Variants in MAP3K2 observed in about 807,000 individuals in gnomAD.
MAP3K2 encodes the protein MAP/ERK kinase kinase 2.
A neutral mutation model predicts 80.3 loss-of-function variants in MAP3K2; 24 were observed. The observed-to-expected ratio is 0.30, with a 90% CI of 0.22 to 0.42. The LOEUF (loss-of-function observed/expected upper bound fraction) is 0.42. Ranked by LOEUF, MAP3K2 falls within the 10% of genes least tolerant of loss-of-function variation. The probability of loss-of-function intolerance (pLI) is 1.00; values close to 1 mark genes in which losing one functional copy is unlikely to be tolerated. For synonymous variants in MAP3K2, 244 were observed against 253.7 expected, an observed-to-expected ratio of 0.96 and a Z score of 0.36; for missense variants, 608 against 750.1, an observed-to-expected ratio of 0.81 and a Z score of 2.21.
intron 1 of MAP3K2, among the ~76,000 whole-genome samples, chr2:127,346,296 T>C (rs1686593596): frequency 6.6e-6 from 1 of 150,568 alleles, no homozygotes; most frequent in Non-Finnish European, 1.5e-5. Flanking sequence ...AATTAAGAAT[T>C]TGAACAGACC....
At position 127,367,568 on chromosome 2, in the gene MAP3K2, A is replaced by AT. The variant is rs777862921; in HGVS notation, c.-66+19883dup. 1.6e-4 allele frequency among the ~76,000 whole-genome samples: 25 copies of AT among 152,036 alleles called. No homozygotes were observed. In the Middle Eastern group the frequency reaches 0.017, roughly 103 times the overall value. ...AGCACTTTGGGAGGCTGAGGCAGGC[A>AT]TATTACCTGAGGTCAGGAGTTTGAG... is the stretch of plus-strand genomic sequence containing the variant. On this transcript the variant is annotated intron_variant, in intron 1 of 16. Transcript: ENST00000682094.
chr2:127,353,223 T>C (rs1686729165), intron 1 of MAP3K2, among the ~76,000 whole-genome samples: 1 of 149,662 alleles, frequency 6.7e-6, no homozygotes, highest in African/African-American at 2.5e-5. Flanking sequence ...GGAGCGTCTC[T>C]GTCCTGCCGC....
intron 1 of MAP3K2, among the ~76,000 whole-genome samples, chr2:127,371,844 G>A (rs995323752): frequency 2.6e-5 from 4 of 152,280 alleles, no homozygotes; most frequent in African/African-American, 9.6e-5. Context: ...GGGAAACATT[G>A]GGCAAATCAA....
Position 127,317,660 on chromosome 2 carries a change from G to GT in MAP3K2, c.1294dup (p.Thr432AsnfsTer15), listed in dbSNP as rs1214659211. 1 of 1,583,380 alleles carries GT rather than the reference G, an allele frequency of 6.3e-7. No individual in the cohort carries two copies. The highest frequency in any genetic ancestry group is 1.2e-5 in the South Asian group (1 of 86,836). ...CATATATTCCATAAATATGGAAAGT[G>GT]TTTTTTCCTGGGGATCCCTCAAACA... On this transcript the variant is annotated frameshift_variant, in exon 14 of 17. Coordinates refer to ENST00000682094, the MANE Select transcript of MAP3K2 (RefSeq NM_001371910.2). LOFTEE classifies it high-confidence loss of function.
At chr2:127,365,901 GCT>G (rs1372044323) in intron 1 of MAP3K2, among the ~76,000 whole-genome samples, 1 of 152,090 alleles carries the variant, frequency 6.6e-6, no homozygotes, top group Non-Finnish European at 1.5e-5. Context: ...TATCATAGTA[GCT>G]CTGTTTTCTT....
chr2:127,314,683 C>A, intron 15 of MAP3K2, 71 bp downstream of exon 15: 1 of 1,206,600 alleles, frequency 8.3e-7, no homozygotes, highest in Non-Finnish European at 1.2e-6. Flanking sequence ...AAATGTCTTA[C>A]CCACATCACT....
chr2:127,331,764 C>G (rs147597192), intron 5 of MAP3K2, among the ~76,000 whole-genome samples: 1 of 152,148 alleles, frequency 6.6e-6, no homozygotes, highest in Non-Finnish European at 1.5e-5. Flanking sequence ...CACCACCACG[C>G]GTGGCTAATT....
intron 1 of MAP3K2, among the ~76,000 whole-genome samples, chr2:127,355,848 TTCA>T (rs1686788066): frequency 6.6e-6 from 1 of 152,152 alleles, no homozygotes; most frequent in Admixed American, 6.5e-5. Context: ...TCCCAAACCC[TTCA>T]TCGACTGAGT....
At position 127,304,777 on chromosome 2, in the gene MAP3K2, T is replaced by A. The variant is rs1015363568; in HGVS notation, c.*2802A>T. 6.6e-6 allele frequency: 1 copy of A among 152,556 alleles called. No individual in the cohort carries two copies. The highest frequency in any genetic ancestry group is 2.4e-5 in the African/African-American group (1 of 41,444). The allele number at this position is 152,556 out of a possible 1,614,324, so 9.5% of individuals were successfully genotyped here. On this transcript the variant is annotated 3_prime_UTR_variant, in exon 17 of 17. Transcript: ENST00000682094. Reference sequence around the variant, plus strand: ...ATTTCTTTTTTAAATTTACTTTTGGTCTTCCATACCCTCCACCCCCACACC... The same window carrying A: ...ATTTCTTTTTTAAATTTACTTTTGGACTTCCATACCCTCCACCCCCACACC...
chr2:127,368,405 G>A lies in MAP3K2; in HGVS notation c.-66+19047C>T, dbSNP rs181839645. ...TGGGAGGCTGAGGCGGGCAGATCAC[G>A]AGGTCTGGAGTTCGAAACCATCCTG... is the stretch of plus-strand genomic sequence containing the variant. On this transcript the variant is annotated intron_variant, in intron 1 of 16. Transcript: ENST00000682094. 3.9e-5 allele frequency among the ~76,000 whole-genome samples: 6 copies of A among 152,158 alleles called. No individual in the cohort carries two copies. In the East Asian group the frequency reaches 5.8e-4, roughly 15 times the overall value.
intron 2 of MAP3K2, 64 bp downstream of exon 2, chr2:127,343,062 A>G (rs1686529259): frequency 7.5e-7 from 1 of 1,326,198 alleles, no homozygotes; most frequent in South Asian, 1.3e-5. Flanking sequence ...ATAATAGAGA[A>G]AGTTTTTTCA....
Position 127,387,725 on chromosome 2 carries a change from C to A in MAP3K2, c.-339G>T. The A allele has an allele frequency of 1.0e-6, 1 of 985,160 alleles. No homozygotes were observed. The highest frequency in any genetic ancestry group is 1.2e-6 in the Non-Finnish European group (1 of 829,820). 61.0% of individuals were successfully genotyped at this position (985,160 alleles called of 1,614,324 possible). A position where few individuals can be genotyped will look rare whatever the true frequency, so the allele number is the denominator to read the frequency against. On this transcript the variant is annotated 5_prime_UTR_variant, in exon 1 of 17. Transcript: ENST00000682094. ...TCCTGGCGCTCCTCGGCACTTCTAGCCGCTGCAACCCCGAGGCCCGCGGGA... is the reference window on the plus strand; with the variant it reads ...TCCTGGCGCTCCTCGGCACTTCTAGACGCTGCAACCCCGAGGCCCGCGGGA...
intron 15 of MAP3K2, among the ~76,000 whole-genome samples, chr2:127,313,959 C>T (rs1057084998): frequency 6.6e-6 from 1 of 152,174 alleles, no homozygotes. Context: ...CATGCACCAT[C>T]ATGCTGCTAT....
intron 1 of MAP3K2, among the ~76,000 whole-genome samples, chr2:127,371,105 C>G (rs1687056213): frequency 6.6e-6 from 1 of 152,212 alleles, no homozygotes; most frequent in Non-Finnish European, 1.5e-5. Context: ...GAAAACAGAG[C>G]CGCTAGCCCA....
intron 1 of MAP3K2, among the ~76,000 whole-genome samples, chr2:127,351,570 C>CA (rs557243958): frequency 5.9e-5 from 9 of 152,062 alleles, no homozygotes; most frequent in Non-Finnish European, 8.8e-5. Context: ...CCTTATATTC[C>CA]AATCCATTAG....
At position 127,318,233 on chromosome 2, in the gene MAP3K2, T is replaced by A. The variant is rs1685946387; in HGVS notation, c.1130A>T (p.Asp377Val). 1 of 1,612,522 alleles carries A rather than the reference T, an allele frequency of 6.2e-7. No homozygotes were observed. Among genetic ancestry groups the A allele is most frequent in the Admixed American group, 1.7e-5 (1 of 59,712 alleles). The change falls in exon 13 of 17, where the codon GAT becomes GTT. Residue 377 changes from aspartate to valine, a missense_variant. Asp to Val is a radical substitution (Grantham distance 152). Transcript: ENST00000682094. Reference sequence around the variant, plus strand: ...CTTAACAGCCAATTCTCTTCCTGTATCAACATCATAACAGAGGTAGACCCT... The same window carrying A: ...CTTAACAGCCAATTCTCTTCCTGTAACAACATCATAACAGAGGTAGACCCT... ...FGRVYLCYDVDTGRELAVKQV... is the reference protein window; with the variant it reads ...FGRVYLCYDVVTGRELAVKQV...
In MAP3K2 at chr2:127,299,962, C is replaced by CAA. The variant is rs952522873; in HGVS notation, c.*7615_*7616dup. Reference sequence around the variant, plus strand: ...ACAGACAGAAAAAAACATCTCCACACAAACATACATCCCCTGATACACAGT... The same window carrying CAA: ...ACAGACAGAAAAAAACATCTCCACACAAAAACATACATCCCCTGATACACAGT... On this transcript the variant is annotated 3_prime_UTR_variant, in exon 17 of 17. Transcript: ENST00000682094. 1.2e-5 allele frequency: 1 copy of CAA among 84,642 alleles called. No homozygotes were observed. The highest frequency in any genetic ancestry group is 2.3e-5 in the Non-Finnish European group (1 of 44,106). The allele number at this position is 84,642 out of a possible 1,614,324, so 5.2% of individuals were successfully genotyped here. A position where few individuals can be genotyped will look rare whatever the true frequency, so the allele number is the denominator to read the frequency against.
chr2:127,325,889 ATACT>A, intron 8 of MAP3K2, 82 bp from the exon 9 acceptor site: 10 of 856,026 alleles, frequency 1.2e-5, no homozygotes, highest in Non-Finnish European at 1.8e-5. Flanking sequence ...TTAATTAGAC[ATACT>A]TCATGTAACA....
intron 2 of MAP3K2, among the ~76,000 whole-genome samples, chr2:127,342,566 G>C (rs1050731297): frequency 5.3e-5 from 8 of 152,098 alleles, no homozygotes; most frequent in African/African-American, 1.9e-4. Flanking sequence ...ATTTAGGATA[G>C]GGTGGGCCAT....
Sources: allele counts gnomAD v4.1 joint callset (sites outside exome capture counted in the v4.1 genomes callset), GRCh38; gene constraint gnomAD v4.1.1; transcripts MANE v1.5; gene names NCBI Gene and HGNC (gene_info 2026-07-23, HGNC 2026-07-21).